Variants in SEMA3A observed in about 807,000 individuals in gnomAD.
SEMA3A encodes the protein semaphorin 3A.
Under a neutral mutation model 97.9 loss-of-function variants are expected in SEMA3A, and 29 were observed. The observed-to-expected ratio is 0.30, with a 90% CI of 0.22 to 0.40. SEMA3A has a LOEUF of 0.40. SEMA3A is among the 10% of genes least tolerant of loss of function. The probability of loss-of-function intolerance (pLI) is 1.00; values close to 1 mark genes in which losing one functional copy is unlikely to be tolerated. For missense variants in SEMA3A, 763 were observed against 951.3 expected (o/e 0.80, Z 2.60); for synonymous variants, 321 against 323.7 (o/e 0.99, Z 0.09).
rs1170765816 is a variant in SEMA3A, at chr7:83,961,214, T to A, written c.*157A>T. The A allele has an allele frequency of 1.5e-6, 1 of 653,876 alleles. No homozygotes were observed. Among genetic ancestry groups the A allele is most frequent in the Non-Finnish European group, 2.7e-6 (1 of 374,528 alleles). The allele number at this position is 653,876 out of a possible 1,614,324, so 40.5% of individuals were successfully genotyped here. A position where few individuals can be genotyped will look rare whatever the true frequency, so the allele number is the denominator to read the frequency against. On this transcript the variant is annotated 3_prime_UTR_variant, in exon 17 of 17. Transcript: ENST00000265362. Reference sequence around the variant, plus strand: ...AAAAGCCTATTAGGAAAGTTACTCATGGATTTAATTTATAATTGGTGGAAC... The same window carrying A: ...AAAAGCCTATTAGGAAAGTTACTCAAGGATTTAATTTATAATTGGTGGAAC...
At chr7:84,420,191 A>C (rs1804550062) in intron 1 of SEMA3A, among the ~76,000 whole-genome samples, 1 of 151,874 alleles carries the variant, frequency 6.6e-6, no homozygotes, top group Admixed American at 6.6e-5. Context: ...TTCACAGGAA[A>C]AAAAAAAAGT....
intron 3 of SEMA3A, among the ~76,000 whole-genome samples, chr7:84,298,805 C>T (rs1046351639): frequency 2.6e-5 from 4 of 152,138 alleles, no homozygotes; most frequent in African/African-American, 9.7e-5. Context: ...AGGAGATTAA[C>T]ATTTGAGTCA....
intron 3 of SEMA3A, among the ~76,000 whole-genome samples, chr7:84,214,944 G>A (rs539296680): frequency 1.1e-4 from 16 of 149,948 alleles, no homozygotes; most frequent in African/African-American, 3.2e-4. Context: ...TAGATGATCC[G>A]CCCCCCCTTG....
intron 3 of SEMA3A, among the ~76,000 whole-genome samples, chr7:84,251,751 G>T (rs1401872755): frequency 6.6e-6 from 1 of 152,054 alleles, no homozygotes. Context: ...AGGATTTCCT[G>T]GGTCACTGAA....
intron 4 of SEMA3A, among the ~76,000 whole-genome samples, chr7:84,063,428 T>TG (rs1362731306): frequency 6.6e-6 from 1 of 151,352 alleles, no homozygotes. Flanking sequence ...AGAATGACTT[T>TG]GACGAGCTGA....
intron 3 of SEMA3A, among the ~76,000 whole-genome samples, chr7:84,236,110 G>T (rs1268533202): frequency 6.6e-6 from 1 of 152,160 alleles, no homozygotes; most frequent in Non-Finnish European, 1.5e-5. Flanking sequence ...GAATTCATTT[G>T]TTTCTCTTCC....
intron 3 of SEMA3A, among the ~76,000 whole-genome samples, chr7:84,242,175 G>A: frequency 6.6e-6 from 1 of 152,254 alleles, no homozygotes; most frequent in African/African-American, 2.4e-5. Context: ...GAAAGTCAAT[G>A]GTAGTTTGAT....
chr7:84,179,186 C>A (rs952681559), intron 1 of SEMA3A, among the ~76,000 whole-genome samples: 1 of 152,070 alleles, frequency 6.6e-6, no homozygotes, highest in Non-Finnish European at 1.5e-5. Context: ...TATACATATC[C>A]CATAATTAAT....
intron 11 of SEMA3A, 119 bp downstream of exon 11, chr7:84,005,220 T>C (rs1790616420): frequency 9.9e-6 from 7 of 708,164 alleles, no homozygotes; most frequent in African/African-American, 1.8e-5. Flanking sequence ...GTTAGTTATA[T>C]GTGGATTTTC....
In SEMA3A at chr7:84,015,329, T is replaced by A. The variant is rs148198720; in HGVS notation, c.668-978A>T. Among the ~76,000 whole-genome samples the A allele has an allele frequency of 6.2e-4, 94 of 152,094 alleles. 1 individual carries two copies. The East Asian group carries it at 0.013, about 22-fold the overall frequency. ...TAGGCAGTCATGAATATCTGTGCAA[T>A]GAGAAAAGAAAAGAAAAATGGTGAG... On this transcript the variant is annotated intron_variant, in intron 6 of 16. Transcript: ENST00000265362.
In SEMA3A at chr7:84,238,321, C is replaced by T. The variant is rs111388165; in HGVS notation, c.-82-43653G>A. ...ACCTCAGGTGATCCGCCTGCCTCAG[C>T]CTCCCAAAGTGCTGGGATTACAGGT... is the stretch of plus-strand genomic sequence containing the variant. On this transcript the variant is annotated intron_variant, in intron 3 of 3. Coordinates refer to the SEMA3A transcript ENST00000424555. Among the ~76,000 whole-genome samples, 5 of 152,240 alleles carry T rather than the reference C, an allele frequency of 3.3e-5. 1 individual carries two copies. The highest frequency in any genetic ancestry group is 1.2e-4 in the African/African-American group (5 of 41,560).
chr7:84,249,112 T>C (rs1289279523), intron 3 of SEMA3A, among the ~76,000 whole-genome samples: 1 of 152,208 alleles, frequency 6.6e-6, no homozygotes, highest in Non-Finnish European at 1.5e-5. Flanking sequence ...GGATTGCCAG[T>C]CCTCTGGCTC....
chr7:84,278,776 T>C (rs556293138), intron 3 of SEMA3A, among the ~76,000 whole-genome samples: 1 of 152,174 alleles, frequency 6.6e-6, no homozygotes, highest in East Asian at 1.9e-4. Context: ...AAAGGGATGG[T>C]GCCAAACCAT....
rs545510879 is a variant in SEMA3A, at chr7:84,055,314, C to T, written c.547+5151G>A. 6.3e-3 allele frequency among the ~76,000 whole-genome samples: 967 copies of T among 152,326 alleles called. 16 individuals carry two copies. Among genetic ancestry groups the T allele is most frequent in the Admixed American group, 0.036 (545 of 15,302 alleles). On this transcript the variant is annotated intron_variant, in intron 5 of 16. Transcript: ENST00000265362. ...GCCCCTCCCCCCGCCTCGCTGCGGC[C>T]TTGCAGTTTGATCTCAGACTGCTGT...
intron 3 of SEMA3A, among the ~76,000 whole-genome samples, chr7:84,250,755 C>G (rs1799588394): frequency 6.6e-6 from 1 of 152,046 alleles, no homozygotes; most frequent in African/African-American, 2.4e-5. Flanking sequence ...ATCACTATTT[C>G]TATGTAATGG....
intron 6 of SEMA3A, among the ~76,000 whole-genome samples, chr7:84,038,412 T>C (rs185122328): frequency 1.2e-4 from 19 of 152,282 alleles, no homozygotes; most frequent in Admixed American, 5.2e-4. Context: ...ATCAATTGAA[T>C]TTTTTTATTT....
chr7:83,980,619 A>AT lies in SEMA3A; in HGVS notation c.1652+701_1652+702insA, dbSNP rs1256179822. Among the ~76,000 whole-genome samples the AT allele has an allele frequency of 5.4e-3, 426 of 79,602 alleles. 1 individual carries two copies. Among genetic ancestry groups the AT allele is most frequent in the East Asian group, 0.028 (87 of 3,154 alleles). 52.2% of individuals were successfully genotyped at this position (79,602 alleles called of 152,430 possible). A position where few individuals can be genotyped will look rare whatever the true frequency, so the allele number is the denominator to read the frequency against. On this transcript the variant is annotated intron_variant, in intron 14 of 16. Transcript: ENST00000265362. ...ACTCCATCTCAAAAAAAAAAAAAAA[A>AT]AAAAATATATATATATATATACACA...
chr7:83,998,735 C>G (rs1790319084), intron 12 of SEMA3A, among the ~76,000 whole-genome samples: 5 of 152,042 alleles, frequency 3.3e-5, no homozygotes, highest in Admixed American at 3.3e-4. Context: ...TGTTTTCTTT[C>G]CTTACATTCT....
At chr7:84,272,715 G>T (rs1341085274) in intron 3 of SEMA3A, among the ~76,000 whole-genome samples, 2 of 152,064 alleles carry the variant, frequency 1.3e-5, no homozygotes, top group Non-Finnish European at 2.9e-5. Context: ...GTTAACATTA[G>T]TATAGGCAGG....
Sources: allele counts gnomAD v4.1 joint callset (sites outside exome capture counted in the v4.1 genomes callset), GRCh38; gene constraint gnomAD v4.1.1; transcripts MANE v1.5; gene names NCBI Gene and HGNC (gene_info 2026-07-23, HGNC 2026-07-21).